PRELID2: variants seen among roughly 807,000 people sequenced by gnomAD.
PRELID2 encodes the protein PRELI domain containing 2.
In PRELID2, 25 loss-of-function variants were observed where a neutral mutation model predicts 28.4. The observed-to-expected ratio is 0.88, with a 90% CI of 0.64 to 1.23. The LOEUF is 1.23. Among genes scored for constraint, PRELID2 ranks in the 50% most tolerant of loss-of-function variants. The pLI is 0.00. For synonymous variants in PRELID2, 76 were observed against 71.6 expected (o/e 1.06, Z -0.31); for missense variants, 201 against 214.4 (o/e 0.94, Z 0.39).
chr5:145,550,865 T>A (rs187063603), intron 1 of PRELID2, among the ~76,000 whole-genome samples: 218 of 152,258 alleles, frequency 1.4e-3, no homozygotes, highest in Middle Eastern at 0.014. Flanking sequence ...ATTAACATAA[T>A]TCTAGATAAT....
At chr5:145,740,265 AATATATATAT>A (rs70998029) in intron 1 of PRELID2, among the ~76,000 whole-genome samples, 1,454 of 40,378 alleles carry the variant, frequency 0.036, 29 homozygotes, top group Middle Eastern at 0.071. Flanking sequence ...GGATTTATCA[AATATATATAT>A]ATATATATAT....
chr5:145,391,816 A>C, the PRELID2 span, among the ~76,000 whole-genome samples: 1 of 152,048 alleles, frequency 6.6e-6, no homozygotes, highest in Non-Finnish European at 1.5e-5. Context: ...TCAAGTTCAA[A>C]GTTCCACAGA....
the PRELID2 span, among the ~76,000 whole-genome samples, chr5:145,421,775 C>G: frequency 1.5e-5 from 2 of 135,086 alleles, no homozygotes; most frequent in Non-Finnish European, 3.2e-5. Context: ...CTTCTGCTAG[C>G]TTTTGAATGT....
intron 1 of PRELID2, among the ~76,000 whole-genome samples, chr5:145,691,719 A>G (rs1232140930): frequency 1.3e-5 from 2 of 151,548 alleles, no homozygotes; most frequent in African/African-American, 4.8e-5. Flanking sequence ...CTCCATCTCA[A>G]AAAAAAAATT....
chr5:145,313,674 G>A, the PRELID2 span, among the ~76,000 whole-genome samples: 2 of 152,154 alleles, frequency 1.3e-5, no homozygotes, highest in Non-Finnish European at 2.9e-5. Flanking sequence ...AGGAGGCGGC[G>A]CAATTCTGAG....
intron 4 of PRELID2, among the ~76,000 whole-genome samples, chr5:145,804,588 T>C (rs1443154587): frequency 1.3e-5 from 2 of 152,182 alleles, no homozygotes; most frequent in African/African-American, 4.8e-5. Flanking sequence ...TTGTATTAAG[T>C]TTTTTATATA....
chr5:145,697,482 G>A (rs1581069081), intron 1 of PRELID2, among the ~76,000 whole-genome samples: 1 of 152,208 alleles, frequency 6.6e-6, no homozygotes, highest in East Asian at 1.9e-4. Context: ...TCTGCTGCCT[G>A]CTTTTATAAA....
At chr5:145,460,934 T>C in the PRELID2 span, among the ~76,000 whole-genome samples, 1 of 152,254 alleles carries the variant, frequency 6.6e-6, no homozygotes. Flanking sequence ...CAGGATGATC[T>C]AACTTTAATA....
chr5:145,631,719 G>A lies in PRELID2; in HGVS notation n.70+133212C>T, dbSNP rs185141235. On this transcript the variant is annotated intron_variant and non_coding_transcript_variant, in intron 1 of 2. Transcript: ENST00000510259. ...AATGAACGAATAACTAATAAAGGCA[G>A]TAACTCTATATTGTCACCAATATTA... is the stretch of plus-strand genomic sequence containing the variant. 2.2e-3 allele frequency among the ~76,000 whole-genome samples: 331 copies of A among 152,232 alleles called. 4 individuals are homozygous for A. The highest frequency in any genetic ancestry group is 6.5e-3 in the Admixed American group (99 of 15,286).
chr5:145,826,889 A>G (rs9324998), intron 1 of PRELID2, among the ~76,000 whole-genome samples: 6,324 of 152,236 alleles, frequency 0.042, 433 homozygotes, highest in African/African-American at 0.14. Flanking sequence ...CAGAAAGCCT[A>G]CTCTTAAAAG....
At chr5:145,620,822 T>TAC (rs35013603) in intron 1 of PRELID2, among the ~76,000 whole-genome samples, 2,158 of 149,668 alleles carry the variant, frequency 0.014, 27 homozygotes, top group Middle Eastern at 0.062. Flanking sequence ...AAGACCCTGT[T>TAC]ACACACACAC....
chr5:145,554,390 T>A (rs555346356), intron 1 of PRELID2, among the ~76,000 whole-genome samples: 1 of 152,276 alleles, frequency 6.6e-6, no homozygotes, highest in East Asian at 1.9e-4. Flanking sequence ...AGATGGCACT[T>A]AAGATGCATA....
intron 6 of PRELID2, among the ~76,000 whole-genome samples, chr5:145,763,259 T>TCA (rs1336715158): frequency 6.6e-6 from 1 of 152,206 alleles, no homozygotes; most frequent in Non-Finnish European, 1.5e-5. Context: ...TTAGTGAGCC[T>TCA]CACAAATATG....
At chr5:145,302,476 C>T in the PRELID2 span, among the ~76,000 whole-genome samples, 1 of 151,546 alleles carries the variant, frequency 6.6e-6, no homozygotes, top group Non-Finnish European at 1.5e-5. Flanking sequence ...TTTATACTTG[C>T]TTTTCTTGCA....
At chr5:145,744,323 A>G (rs1432744855) in intron 1 of PRELID2, among the ~76,000 whole-genome samples, 1 of 152,216 alleles carries the variant, frequency 6.6e-6, no homozygotes, top group Non-Finnish European at 1.5e-5. Flanking sequence ...GTTTCCCCCC[A>G]TTGAAGCACA....
At chr5:145,630,439 G>T (rs1239165283) in intron 1 of PRELID2, among the ~76,000 whole-genome samples, 1 of 152,078 alleles carries the variant, frequency 6.6e-6, no homozygotes, top group South Asian at 2.1e-4. Context: ...GCTTTAATTT[G>T]GTACATAAAA....
chr5:145,753,753 C>T (rs1002540486), downstream of PRELID2, among the ~76,000 whole-genome samples: 4 of 152,146 alleles, frequency 2.6e-5, no homozygotes, highest in African/African-American at 7.2e-5. Context: ...ACCCTGGCAT[C>T]GGTGTTTTTT....
the PRELID2 span, among the ~76,000 whole-genome samples, chr5:145,464,996 C>T: frequency 1.3e-5 from 2 of 152,038 alleles, no homozygotes; most frequent in Non-Finnish European, 2.9e-5. Context: ...TGTATGTTGT[C>T]CTATTGATCA....
chr5:145,286,716 G>GTTTTTT, the PRELID2 span, among the ~76,000 whole-genome samples: 9 of 63,082 alleles, frequency 1.4e-4, no homozygotes, highest in African/African-American at 6.9e-4. Flanking sequence ...TTTTTTGTTT[G>GTTTTTT]TTTGTTTGTT....
Sources: allele counts gnomAD v4.1 joint callset (sites outside exome capture counted in the v4.1 genomes callset), GRCh38; gene constraint gnomAD v4.1.1; transcripts MANE v1.5; gene names NCBI Gene and HGNC (gene_info 2026-07-23, HGNC 2026-07-21).